Variants in DNAH9 observed in about 807,000 individuals in gnomAD.
DNAH9 encodes DNAH9 variant protein.
DNAH9 carries 345 observed loss-of-function variants against 471.6 expected under a neutral mutation model. The observed-to-expected ratio is 0.73, with a 90% confidence interval of 0.67 to 0.80. The LOEUF (loss-of-function observed/expected upper bound fraction) is 0.80. Among genes scored for constraint, DNAH9 ranks in the 30% least tolerant of loss-of-function variants. The probability of loss-of-function intolerance (pLI) is 0.00; values close to 1 mark genes in which losing one functional copy is unlikely to be tolerated. For synonymous variants in DNAH9, 2,093 were observed against 2,123.6 expected (o/e 0.99, Z 0.40); for missense variants, 5,407 against 5,609.2 (o/e 0.96, Z 1.15).
intron 48 of DNAH9, among the ~76,000 whole-genome samples, chr17:11,832,455 T>C (rs1019462902): frequency 6.6e-6 from 1 of 152,204 alleles, no homozygotes; most frequent in Non-Finnish European, 1.5e-5. Context: ...TGATTTACAA[T>C]TGCATCTTTG....
chr17:11,807,684 T>A, intron 43 of DNAH9, 48 bp from the exon 44 acceptor site: 1 of 1,563,262 alleles, frequency 6.4e-7, no homozygotes, highest in Non-Finnish European at 8.7e-7. Flanking sequence ...TGCTTCTGAC[T>A]GCAGAAAGTC....
intron 14 of DNAH9, among the ~76,000 whole-genome samples, chr17:11,658,615 T>G (rs2073697717): frequency 6.6e-6 from 1 of 152,172 alleles, no homozygotes; most frequent in Non-Finnish European, 1.5e-5. Context: ...AATTCACCAT[T>G]AAATTTTTAG....
intron 14 of DNAH9, 106 bp downstream of exon 14, chr17:11,653,108 T>G: frequency 8.2e-7 from 1 of 1,214,864 alleles, no homozygotes; most frequent in Non-Finnish European, 1.2e-6. Context: ...TGCAGTGTCT[T>G]CCGAAGACAA....
At chr17:11,895,393 G>T (rs1973188563) in intron 59 of DNAH9, among the ~76,000 whole-genome samples, 2 of 152,290 alleles carry the variant, frequency 1.3e-5, no homozygotes, top group South Asian at 4.1e-4. Flanking sequence ...GATCTCCCAT[G>T]TTTATTGCAT....
intron 67 of DNAH9, among the ~76,000 whole-genome samples, chr17:11,954,848 C>A (rs907697047): frequency 1.3e-5 from 2 of 148,230 alleles, no homozygotes; most frequent in African/African-American, 5.0e-5. Flanking sequence ...TGGATCTAAA[C>A]AAAGAAATAA....
At chr17:11,681,482 G>A (rs1015263855) in intron 19 of DNAH9, among the ~76,000 whole-genome samples, 2 of 152,074 alleles carry the variant, frequency 1.3e-5, no homozygotes, top group East Asian at 1.9e-4. Context: ...GTGGTGAAGC[G>A]GTCTGCTTCT....
rs1420955586 is a variant in DNAH9 at position 11,742,192 on chromosome 17, T to C, written c.5990T>C (p.Val1997Ala). The C allele has an allele frequency of 6.2e-7, 1 of 1,614,114 alleles. No individual in the cohort carries two copies. The highest frequency in any genetic ancestry group is 1.7e-5 in the Admixed American group (1 of 60,018). The change falls in exon 30 of 69, where the codon GTT becomes GCT. Residue 1997 changes from valine (V) to alanine (A), a missense_variant. Physicochemically the swap from Val to Ala is moderately conservative, Grantham distance 64. Transcript: ENST00000262442. ...KSLFRPCAMV[V>A]PDFELICEIM... Reference sequence around the variant, plus strand: ...ATACTCAGGCCTTGTGCAATGGTGGTTCCAGACTTTGAATTGATCTGTGAA... The same window carrying C: ...ATACTCAGGCCTTGTGCAATGGTGGCTCCAGACTTTGAATTGATCTGTGAA...
intron 67 of DNAH9, among the ~76,000 whole-genome samples, chr17:11,947,324 A>G (rs754479142): frequency 1.3e-5 from 2 of 152,200 alleles, no homozygotes; most frequent in African/African-American, 2.4e-5. Context: ...ATCATTTTCA[A>G]AGGGGCATAT....
rs192349315 is a variant in DNAH9, at chr17:11,672,116, A to G, written c.3353+2322A>G. On this transcript the variant is annotated intron_variant, in intron 17 of 68. Transcript: ENST00000262442. The stretch of plus-strand genomic sequence containing the variant: ...ATTATGTGATTTCCACCTTTCCTTA[A>G]TAGGTCGGGATGAATCCCACCTTAT... Among the ~76,000 whole-genome samples the G allele has an allele frequency of 1.1e-4, 16 of 152,302 alleles. No homozygotes were observed. In the East Asian group the frequency reaches 1.2e-3, roughly 11 times the overall value.
At chr17:11,685,370 C>T (rs895362673) in intron 19 of DNAH9, among the ~76,000 whole-genome samples, 2 of 152,180 alleles carry the variant, frequency 1.3e-5, no homozygotes, top group Non-Finnish European at 2.9e-5. Context: ...GGCTGGGATG[C>T]AGGAAGCAGG....
chr17:11,880,318 C>G (rs1287078450), intron 54 of DNAH9, 118 bp downstream of exon 54: 2 of 1,258,646 alleles, frequency 1.6e-6, no homozygotes, highest in African/African-American at 3.0e-5. Context: ...TCAAGTAGCT[C>G]CCTGCAGCAC....
rs139386963 is a variant in DNAH9, at chr17:11,797,901, C to T, written c.8420+108C>T. On this transcript the variant is annotated intron_variant, in intron 43 of 68. Transcript: ENST00000262442. ...TTCCGTAAAGCCAGGTAAGGAGCTCCGGCTTCTGCCTTAAAAGTCAAGATG... is the reference window on the plus strand; with the variant it reads ...TTCCGTAAAGCCAGGTAAGGAGCTCTGGCTTCTGCCTTAAAAGTCAAGATG... The T allele has an allele frequency of 2.7e-3, 3,014 of 1,129,816 alleles. 8 individuals are homozygous for T. The highest frequency in any genetic ancestry group is 2.9e-3 in the Non-Finnish European group (2,345 of 800,590). The allele number at this position is 1,129,816 out of a possible 1,614,324, so 70.0% of individuals were successfully genotyped here.
At chr17:11,923,235 C>A (rs1374934635) in intron 61 of DNAH9, among the ~76,000 whole-genome samples, 2 of 151,934 alleles carry the variant, frequency 1.3e-5, no homozygotes, top group African/African-American at 4.8e-5. Context: ...CCCACCACAC[C>A]CAGCTAATTT....
chr17:11,647,565 A>G (rs2073419401), intron 12 of DNAH9, among the ~76,000 whole-genome samples: 1 of 152,180 alleles, frequency 6.6e-6, no homozygotes, highest in South Asian at 2.1e-4. Flanking sequence ...CACAACAGGA[A>G]GTACTACAAA....
intron 49 of DNAH9, among the ~76,000 whole-genome samples, chr17:11,837,502 A>G (rs1319624068): frequency 6.6e-6 from 1 of 152,152 alleles, no homozygotes; most frequent in Non-Finnish European, 1.5e-5. Flanking sequence ...AAATTCAAAT[A>G]CTTTGGATCC....
At chr17:11,856,116 A>G (rs1300938246) in intron 50 of DNAH9, among the ~76,000 whole-genome samples, 1 of 152,168 alleles carries the variant, frequency 6.6e-6, no homozygotes, top group African/African-American at 2.4e-5. Context: ...ATTTGACAGC[A>G]TGTGCCATCT....
intron 50 of DNAH9, among the ~76,000 whole-genome samples, chr17:11,860,238 T>C (rs1362414504): frequency 6.6e-6 from 1 of 152,196 alleles, no homozygotes; most frequent in Non-Finnish European, 1.5e-5. Context: ...CTACTTTCCT[T>C]TATTGTCTCT....
Position 11,671,991 on chromosome 17 carries a change from C to G in DNAH9, c.3353+2197C>G, listed in dbSNP as rs2073980074. ...AACAGTTGGTGATTCTAGAAACTGG[C>G]TATTGTGTTACACTTTAGAAGAAGA... On this transcript the variant is annotated intron_variant, in intron 17 of 68. Coordinates refer to ENST00000262442, the MANE Select transcript of DNAH9 (RefSeq NM_001372.4). 2.0e-5 allele frequency among the ~76,000 whole-genome samples: 3 copies of G among 152,156 alleles called. No homozygotes were observed. In the South Asian group the frequency reaches 6.2e-4, roughly 32 times the overall value.
In DNAH9 at chr17:11,750,136, T is replaced by C. The variant is rs544372294; in HGVS notation, c.6610+2370T>C. 7.9e-5 allele frequency among the ~76,000 whole-genome samples: 12 copies of C among 152,242 alleles called. No homozygotes were observed. In the South Asian group the frequency reaches 2.5e-3, roughly 32 times the overall value. On this transcript the variant is annotated intron_variant, in intron 32 of 68. Coordinates refer to ENST00000262442, the MANE Select transcript of DNAH9 (RefSeq NM_001372.4). ...TTCGAAGTAAATGGAACATAGCCTTTAAAATATGTTTAGGGGCCAGGCACA... is the reference window on the plus strand; with the variant it reads ...TTCGAAGTAAATGGAACATAGCCTTCAAAATATGTTTAGGGGCCAGGCACA...
Sources: allele counts gnomAD v4.1 joint callset (sites outside exome capture counted in the v4.1 genomes callset), GRCh38; gene constraint gnomAD v4.1.1; transcripts MANE v1.5; gene names NCBI Gene and HGNC (gene_info 2026-07-23, HGNC 2026-07-21).